NKAIN3: variants seen among roughly 807,000 people sequenced by gnomAD.
NKAIN3 encodes the protein sodium/potassium-transporting ATPase subunit beta-1-interacting protein 3.
In NKAIN3, 25 loss-of-function variants were observed where a neutral mutation model predicts 30.2. The observed-to-expected ratio is 0.83, with a 90% CI of 0.60 to 1.16. The LOEUF (loss-of-function observed/expected upper bound fraction) is 1.16, where lower values mean the gene tolerates loss of function less well. Ranked by LOEUF, NKAIN3 falls within the 50% of genes most tolerant of loss-of-function variation. The pLI, the probability that NKAIN3 is intolerant of heterozygous loss-of-function variation, is 0.00. For missense variants in NKAIN3, 225 were observed against 254.1 expected (o/e 0.89, Z 0.78); for synonymous variants, 91 against 89.6 (o/e 1.02, Z -0.09).
intron 1 of NKAIN3, among the ~76,000 whole-genome samples, chr8:62,555,396 A>G (rs1809356221): frequency 6.6e-6 from 1 of 152,150 alleles, no homozygotes; most frequent in African/African-American, 2.4e-5. Context: ...ATATTTGAAT[A>G]AGAAACAAAA....
At chr8:62,602,609 C>A (rs548783394) in intron 3 of NKAIN3, among the ~76,000 whole-genome samples, 4 of 152,144 alleles carry the variant, frequency 2.6e-5, no homozygotes, top group African/African-American at 9.6e-5. Context: ...TTCCCCTTAC[C>A]AAAGCTGACC....
chr8:62,454,323 A>AAAAAAAAAAAAAAAAAAAAAAAAAAAC (rs1360909972), intron 1 of NKAIN3, among the ~76,000 whole-genome samples: 1 of 145,102 alleles, frequency 6.9e-6, no homozygotes, highest in Admixed American at 7.0e-5. Flanking sequence ...AAAAAAAAAA[A>AAAAAAAAAAAAAAAAAAAAAAAAAAAC]TCTGAAAATC....
intron 6 of NKAIN3, among the ~76,000 whole-genome samples, chr8:62,955,638 T>C (rs913654790): frequency 2.0e-5 from 3 of 152,184 alleles, no homozygotes; most frequent in African/African-American, 7.2e-5. Context: ...TGATAAATGT[T>C]GATAATGAAA....
chr8:62,858,063 T>G (rs1051914729), intron 4 of NKAIN3, among the ~76,000 whole-genome samples: 23 of 151,700 alleles, frequency 1.5e-4, no homozygotes, highest in East Asian at 5.8e-4. Context: ...CTGTGTTTTT[T>G]TTGTTGTTGT....
chr8:62,340,338 C>T (rs1815701596), intron 1 of NKAIN3, among the ~76,000 whole-genome samples: 1 of 151,834 alleles, frequency 6.6e-6, no homozygotes. Context: ...TGAGGGTCTT[C>T]AAGGGAGAAA....
chr8:62,345,622 T>TATATATACACATATATGTATATATACAC (rs1563943063), intron 1 of NKAIN3, among the ~76,000 whole-genome samples: 1 of 129,802 alleles, frequency 7.7e-6, no homozygotes, highest in African/African-American at 3.7e-5. Flanking sequence ...TATACACACA[T>TATATATACACATATATGTATATATACAC]ATATATACAC....
At chr8:62,853,140 G>C (rs1819960993) in intron 4 of NKAIN3, among the ~76,000 whole-genome samples, 1 of 152,152 alleles carries the variant, frequency 6.6e-6, no homozygotes, top group South Asian at 2.1e-4. Flanking sequence ...GGGTGCTCCT[G>C]TATTTGGTGC....
chr8:62,876,807 A>G (rs1230350562), intron 4 of NKAIN3, among the ~76,000 whole-genome samples: 1 of 151,772 alleles, frequency 6.6e-6, no homozygotes, highest in Admixed American at 6.6e-5. Context: ...ACCAGGGCCT[A>G]TTGAGGGGTG....
intron 1 of NKAIN3, among the ~76,000 whole-genome samples, chr8:62,365,100 A>G (rs1434195154): frequency 6.6e-6 from 1 of 152,146 alleles, no homozygotes; most frequent in Non-Finnish European, 1.5e-5. Context: ...GTCAAAATCT[A>G]GATGCCTTCT....
chr8:62,863,887 C>CTCA (rs369081298), intron 4 of NKAIN3: 11 of 1,411,138 alleles, frequency 7.8e-6, no homozygotes, highest in African/African-American at 7.1e-5. Flanking sequence ...GGTCCTCTTG[C>CTCA]TCATCATCTG....
intron 4 of NKAIN3, chr8:62,863,211 C>T (rs1359062911): frequency 7.7e-6 from 12 of 1,552,970 alleles, no homozygotes; most frequent in Non-Finnish European, 1.1e-5. Context: ...TTTCCAATAA[C>T]TCAGCCTGCC....
chr8:62,318,871 T>C (rs1814763436), intron 1 of NKAIN3, among the ~76,000 whole-genome samples: 1 of 152,184 alleles, frequency 6.6e-6, no homozygotes, highest in Non-Finnish European at 1.5e-5. Flanking sequence ...GAGGATTCCC[T>C]CTTTTTCTAT....
chr8:62,995,972 G>T (rs942119890), intron 5 of NKAIN3, among the ~76,000 whole-genome samples: 1 of 152,150 alleles, frequency 6.6e-6, no homozygotes, highest in Non-Finnish European at 1.5e-5. Context: ...AGCTCTGCAG[G>T]TGATTCTTAT....
At chr8:62,710,563 T>A (rs1814682189) in intron 3 of NKAIN3, among the ~76,000 whole-genome samples, 1 of 152,208 alleles carries the variant, frequency 6.6e-6, no homozygotes, top group African/African-American at 2.4e-5. Flanking sequence ...TAGTGTCCAT[T>A]TGCATGAAAT....
chr8:62,770,171 A>C (rs1816969215), intron 4 of NKAIN3, among the ~76,000 whole-genome samples: 2 of 152,218 alleles, frequency 1.3e-5, no homozygotes, highest in Admixed American at 1.3e-4. Flanking sequence ...TAAGGGGCCC[A>C]AGCTCTCCAA....
chr8:62,909,093 T>C (rs1821861678), intron 4 of NKAIN3, among the ~76,000 whole-genome samples: 1 of 152,180 alleles, frequency 6.6e-6, no homozygotes, highest in African/African-American at 2.4e-5. Flanking sequence ...TTTTAATTCA[T>C]TCTTAATAAG....
intron 3 of NKAIN3, among the ~76,000 whole-genome samples, chr8:62,602,235 T>G (rs1811004056): frequency 6.6e-6 from 1 of 152,064 alleles, no homozygotes; most frequent in Non-Finnish European, 1.5e-5. Context: ...AATATATTAT[T>G]CTATCAACAG....
At chr8:62,684,977 G>C (rs912248436) in intron 3 of NKAIN3, among the ~76,000 whole-genome samples, 4 of 152,144 alleles carry the variant, frequency 2.6e-5, no homozygotes, top group Non-Finnish European at 5.9e-5. Flanking sequence ...AAGCCCCTGA[G>C]TCTGTGGTAT....
chr8:62,290,595 T>A (rs183684821), intron 1 of NKAIN3, among the ~76,000 whole-genome samples: 105 of 152,350 alleles, frequency 6.9e-4, no homozygotes, highest in African/African-American at 2.4e-3. Context: ...GAGACCAACT[T>A]GCTCATGGTG....
Sources: gnomAD v4.1 joint callset for allele counts (sites outside exome capture counted in the v4.1 genomes callset) on GRCh38, gnomAD v4.1.1 for gene constraint, MANE v1.5 for transcripts, NCBI Gene and HGNC (gene_info 2026-07-23, HGNC 2026-07-21) for gene names.